The following CLEC16A variants were observed in gnomAD, a reference collection of about 807,000 sequenced individuals.
CLEC16A encodes the protein C-type lectin domain containing 16A.
Under a neutral mutation model 109.5 loss-of-function variants are expected in CLEC16A, and 51 were observed. The observed-to-expected ratio is 0.47, with a 90% CI of 0.37 to 0.59. CLEC16A has a LOEUF of 0.59. Among genes scored for constraint, CLEC16A ranks in the 20% least tolerant of loss-of-function variants. The probability of loss-of-function intolerance (pLI) is 0.00; values close to 1 mark genes in which losing one functional copy is unlikely to be tolerated. For missense variants in CLEC16A, 1,339 were observed against 1,394.0 expected, an observed-to-expected ratio of 0.96 and a Z score of 0.63; for synonymous variants, 673 against 564.2, an observed-to-expected ratio of 1.19 and a Z score of -2.73.
At position 11,126,068 on chromosome 16, in the gene CLEC16A, T is replaced by G; in HGVS notation, c.2563T>G (p.Phe855Val). 1 of 1,613,898 alleles carries G rather than the reference T, an allele frequency of 6.2e-7. No homozygotes were observed. Among genetic ancestry groups the G allele is most frequent in the Non-Finnish European group, 8.5e-7 (1 of 1,179,872 alleles). The change falls in exon 22 of 24, where the codon TTC (phenylalanine) becomes GTC (valine). Residue 855 changes from phenylalanine (F) to valine (V), a missense_variant. Physicochemically the swap from Phe to Val is conservative, Grantham distance 50 (BLOSUM62 -1). Coordinates refer to ENST00000409790, the MANE Select transcript of CLEC16A (RefSeq NM_015226.3). Reference sequence around the variant, plus strand: ...CTCCACTCAGCACCTGCCTTTCCGCTTCTACGACCAGGGGCGCCGGGGCAG... The same window carrying G: ...CTCCACTCAGCACCTGCCTTTCCGCGTCTACGACCAGGGGCGCCGGGGCAG... Reference protein sequence around the residue: ...STSTQHLPFRFYDQGRRGSSD... With the variant: ...STSTQHLPFRVYDQGRRGSSD...
chr16:11,053,993 G>C (rs954302123), intron 18 of CLEC16A, among the ~76,000 whole-genome samples: 2 of 152,242 alleles, frequency 1.3e-5, no homozygotes, highest in African/African-American at 4.8e-5. Flanking sequence ...CCTGGAGCAG[G>C]AAGTGGGACA....
chr16:11,074,877 A>C (rs2049262856), intron 19 of CLEC16A, among the ~76,000 whole-genome samples: 1 of 152,132 alleles, frequency 6.6e-6, no homozygotes, highest in South Asian at 2.1e-4. Context: ...TGCCTATTAA[A>C]ATTATTGTTT....
rs140586346 is a variant in CLEC16A at position 11,165,169 on chromosome 16, G to A, written c.2642-1219G>A. Among the ~76,000 whole-genome samples the A allele has an allele frequency of 4.1e-4, 63 of 152,142 alleles. 1 individual carries two copies. The highest frequency in any genetic ancestry group is 2.4e-3 in the Admixed American group (36 of 15,282). ...CCACCAGAAGAGGGGCTCCTGGGCC[G>A]GATAAAAGGGGCTTTGATTTATCGT... On this transcript the variant is annotated intron_variant, in intron 22 of 23. Coordinates refer to ENST00000409790, the MANE Select transcript of CLEC16A (RefSeq NM_015226.3).
intron 11 of CLEC16A, among the ~76,000 whole-genome samples, chr16:11,019,653 C>T (rs1406567489): frequency 6.6e-6 from 1 of 152,018 alleles, no homozygotes; most frequent in Non-Finnish European, 1.5e-5. Context: ...CCTGTAATCC[C>T]AGCTACTCAG....
chr16:10,996,591 G>A (rs2044342517), intron 10 of CLEC16A, among the ~76,000 whole-genome samples: 1 of 152,156 alleles, frequency 6.6e-6, no homozygotes, highest in African/African-American at 2.4e-5. Context: ...GCCGTCCTAA[G>A]CTCCCCCTAT....
At chr16:11,069,991 C>T (rs2048975668) in intron 19 of CLEC16A, among the ~76,000 whole-genome samples, 1 of 152,142 alleles carries the variant, frequency 6.6e-6, no homozygotes, top group African/African-American at 2.4e-5. Flanking sequence ...GAACCAGTCC[C>T]CATGGATATG....
intron 22 of CLEC16A, chr16:11,126,353 T>C: frequency 6.8e-7 from 1 of 1,460,046 alleles, no homozygotes. Flanking sequence ...TAGTGTTTGG[T>C]TTGGTTTTCC....
chr16:11,150,656 T>A lies in CLEC16A; in HGVS notation c.2642-15732T>A, dbSNP rs112056683. On this transcript the variant is annotated intron_variant, in intron 22 of 23. Coordinates refer to ENST00000409790, the MANE Select transcript of CLEC16A (RefSeq NM_015226.3). ...AACTTCATTCTTGATGACTGCATAATAGTCCATTGTCTGAGTGTTAGTTTC... is the reference window on the plus strand; with the variant it reads ...AACTTCATTCTTGATGACTGCATAAAAGTCCATTGTCTGAGTGTTAGTTTC... 9.0e-3 allele frequency among the ~76,000 whole-genome samples: 1,366 copies of A among 152,324 alleles called. 15 individuals carry two copies. The highest frequency in any genetic ancestry group is 0.031 in the African/African-American group (1,308 of 41,568).
At chr16:11,098,973 A>G (rs947968901) in intron 19 of CLEC16A, among the ~76,000 whole-genome samples, 1 of 152,226 alleles carries the variant, frequency 6.6e-6, no homozygotes, top group Non-Finnish European at 1.5e-5. Flanking sequence ...GTGGCACCCC[A>G]TGCCCATTGA....
At chr16:11,037,892 C>G (rs1481504278) in intron 13 of CLEC16A, among the ~76,000 whole-genome samples, 1 of 148,440 alleles carries the variant, frequency 6.7e-6, no homozygotes, top group Non-Finnish European at 1.5e-5. Context: ...AAAACAAATG[C>G]CAGAAAGATT....
intron 22 of CLEC16A, among the ~76,000 whole-genome samples, chr16:11,146,220 A>G (rs2054050183): frequency 6.6e-6 from 1 of 152,098 alleles, no homozygotes; most frequent in African/African-American, 2.4e-5. Flanking sequence ...TACCTTGCTC[A>G]TTCCTTCAGA....
chr16:10,962,629 A>T, intron 3 of CLEC16A, 41 bp downstream of exon 3: 1 of 1,603,050 alleles, frequency 6.2e-7, no homozygotes, highest in Non-Finnish European at 8.5e-7. Context: ...GCTGCTGTGC[A>T]TGTAGCAGGG....
At chr16:11,075,532 G>A (rs1016153004) in intron 19 of CLEC16A, among the ~76,000 whole-genome samples, 11 of 151,852 alleles carry the variant, frequency 7.2e-5, no homozygotes, top group Admixed American at 6.6e-4. Context: ...AACCCCGGGG[G>A]CTCAAGGGCT....
intron 14 of CLEC16A, chr16:11,041,083 G>A (rs1490081881): frequency 6.6e-6 from 1 of 152,216 alleles, no homozygotes; most frequent in Non-Finnish European, 1.5e-5. Flanking sequence ...CAGTCAGTCA[G>A]TTACAGATGC....
At chr16:11,035,282 T>C (rs1397631710) in intron 13 of CLEC16A, among the ~76,000 whole-genome samples, 1 of 152,250 alleles carries the variant, frequency 6.6e-6, no homozygotes. Context: ...AGCTGTCATA[T>C]GGTGGCTTCT....
intron 19 of CLEC16A, among the ~76,000 whole-genome samples, chr16:11,117,685 A>T: frequency 6.6e-6 from 1 of 152,160 alleles, no homozygotes; most frequent in Non-Finnish European, 1.5e-5. Flanking sequence ...CCTACCCCCA[A>T]TTCTCACTTC....
intron 10 of CLEC16A, among the ~76,000 whole-genome samples, chr16:10,993,812 C>T (rs2044171741): frequency 1.3e-5 from 2 of 152,182 alleles, no homozygotes; most frequent in African/African-American, 4.8e-5. Flanking sequence ...GATGATCTTG[C>T]AATTAATTCA....
intron 13 of CLEC16A, among the ~76,000 whole-genome samples, chr16:11,030,366 A>G (rs1003425709): frequency 5.9e-5 from 9 of 152,200 alleles, no homozygotes; most frequent in Admixed American, 2.0e-4. Context: ...CAAGATGCCT[A>G]TATAATTTTA....
rs2047495668 is a variant in CLEC16A at position 11,044,022 on chromosome 16, T to C, written c.1771-6T>C. 1 of 1,605,038 alleles carries C rather than the reference T, an allele frequency of 6.2e-7. No homozygotes were observed. The highest frequency in any genetic ancestry group is 8.5e-7 in the Non-Finnish European group (1 of 1,174,998). On this transcript the variant is annotated splice_polypyrimidine_tract_variant and splice_region_variant and intron_variant, in intron 15 of 23. Coordinates refer to ENST00000409790, the MANE Select transcript of CLEC16A (RefSeq NM_015226.3). ...CCTCCTTCACACCTTCCTTCTCTTTTAACAGGGTGCGAGAGAAGAAAGTGT... is the reference window on the plus strand; with the variant it reads ...CCTCCTTCACACCTTCCTTCTCTTTCAACAGGGTGCGAGAGAAGAAAGTGT...
Sources: allele counts gnomAD v4.1 joint callset (sites outside exome capture counted in the v4.1 genomes callset), GRCh38; gene constraint gnomAD v4.1.1; transcripts MANE v1.5; gene names NCBI Gene and HGNC (gene_info 2026-07-23, HGNC 2026-07-21).